The following ARHGEF28 variants were observed in gnomAD, a reference collection of about 807,000 sequenced individuals.
ARHGEF28 encodes Rho guanine nucleotide exchange factor 28.
In ARHGEF28, 152 loss-of-function variants were observed where a neutral mutation model predicts 206.6. That is an observed-to-expected ratio of 0.74 (90% CI 0.64 to 0.84). The LOEUF is 0.84. Among genes scored for constraint, ARHGEF28 ranks in the 40% least tolerant of loss-of-function variants. ARHGEF28 has a pLI of 0.00. For synonymous variants in ARHGEF28, 763 were observed against 776.4 expected (o/e 0.98, Z 0.29); for missense variants, 2,028 against 2,073.2 (o/e 0.98, Z 0.42).
intron 4 of ARHGEF28, among the ~76,000 whole-genome samples, chr5:73,765,589 T>A (rs535490578): frequency 6.6e-6 from 1 of 152,362 alleles, no homozygotes; most frequent in Non-Finnish European, 1.5e-5. Flanking sequence ...TATTGAGATA[T>A]AATTCCATCG....
At chr5:73,882,006 T>C (rs1291442339) in intron 22 of ARHGEF28, among the ~76,000 whole-genome samples, 2 of 152,156 alleles carry the variant, frequency 1.3e-5, no homozygotes, top group Non-Finnish European at 2.9e-5. Context: ...GACATGGTCA[T>C]TAGCCAGTGT....
rs1252896263 is a variant in ARHGEF28 at position 73,703,296 on chromosome 5, G to C, written c.33+18412G>C. ...AATCTAGATTTTTTTTCAGGGGTTGGGGTTCTCTGATTCTCAATGTATTGA... is the reference window on the plus strand; with the variant it reads ...AATCTAGATTTTTTTTCAGGGGTTGCGGTTCTCTGATTCTCAATGTATTGA... On this transcript the variant is annotated intron_variant, in intron 2 of 35. Coordinates refer to ENST00000513042, the MANE Select transcript of ARHGEF28 (RefSeq NM_001177693.2). Among the ~76,000 whole-genome samples, 4 of 152,068 alleles carry C rather than the reference G, an allele frequency of 2.6e-5. No homozygotes were observed. In the East Asian group the frequency reaches 7.7e-4, roughly 29 times the overall value.
At chr5:73,897,311 C>T (rs1762014212) in intron 29 of ARHGEF28, among the ~76,000 whole-genome samples, 2 of 152,184 alleles carry the variant, frequency 1.3e-5, no homozygotes, top group Non-Finnish European at 2.9e-5. Context: ...GTGTATGTCT[C>T]TTTCCTCCTC....
intron 1 of ARHGEF28, among the ~76,000 whole-genome samples, chr5:73,646,333 TG>T (rs1744421564): frequency 6.6e-6 from 1 of 152,252 alleles, no homozygotes; most frequent in South Asian, 2.1e-4. Flanking sequence ...GGTGCCAGCA[TG>T]ATCCATCTGA....
At chr5:73,919,400 T>TGATA (rs758353712) in intron 35 of ARHGEF28, among the ~76,000 whole-genome samples, 72 of 152,366 alleles carry the variant, frequency 4.7e-4, no homozygotes, top group Non-Finnish European at 2.4e-4. Context: ...GATGAAGCTC[T>TGATA]GATAGCACAG....
intron 2 of ARHGEF28, among the ~76,000 whole-genome samples, chr5:73,737,935 A>G (rs1183875151): frequency 6.6e-6 from 1 of 152,024 alleles, no homozygotes; most frequent in Non-Finnish European, 1.5e-5. Context: ...CAAGTTTTCC[A>G]TGCTATGACT....
intron 6 of ARHGEF28, 179 bp from the exon 7 acceptor site, chr5:73,780,497 G>A: frequency 8.4e-6 from 5 of 593,604 alleles, no homozygotes; most frequent in South Asian, 4.3e-5. Context: ...TCCTGACTTT[G>A]CTCGCCCTCC....
At chr5:73,904,649 G>A in intron 33 of ARHGEF28, 1 of 501,158 alleles carries the variant, frequency 2.0e-6, no homozygotes, top group South Asian at 3.6e-5. Context: ...AAAAAATATT[G>A]ATGAATATGA....
Position 73,776,550 on chromosome 5 carries a change from G to C in ARHGEF28, c.694G>C (p.Val232Leu). 2 of 1,613,306 alleles carry C rather than the reference G, an allele frequency of 1.2e-6. No individual in the cohort carries two copies. The highest frequency in any genetic ancestry group is 8.5e-7 in the Non-Finnish European group (1 of 1,179,430). ...CAGATGGTCCCCAAGCTTCTCCCGA[G>C]TGCAGCTCAGTGAAGAAGCCTCCTT... Reference protein sequence around the residue: ...QGRWSPSFSRVQLSEEASLHY... With the variant: ...QGRWSPSFSRLQLSEEASLHY... The change falls in exon 6 of 36, where the codon GTG (valine) becomes CTG (leucine). Residue 232 changes from valine (V) to leucine (L), a missense_variant. Physicochemically the swap from Val to Leu is conservative, Grantham distance 32. Coordinates refer to ENST00000513042, the MANE Select transcript of ARHGEF28 (RefSeq NM_001177693.2).
At chr5:73,825,085 T>C (rs1025548840) in intron 9 of ARHGEF28, among the ~76,000 whole-genome samples, 1 of 152,190 alleles carries the variant, frequency 6.6e-6, no homozygotes, top group African/African-American at 2.4e-5. Context: ...TTCTAGGTAC[T>C]GGGGAGATGG....
chr5:73,659,652 G>A (rs1266448333), intron 1 of ARHGEF28, among the ~76,000 whole-genome samples: 1 of 152,100 alleles, frequency 6.6e-6, no homozygotes, highest in Non-Finnish European at 1.5e-5. Context: ...ATTAAGTAAT[G>A]ACCTTATACA....
At chr5:73,704,728 A>C (rs886463130) in intron 2 of ARHGEF28, among the ~76,000 whole-genome samples, 2 of 152,174 alleles carry the variant, frequency 1.3e-5, no homozygotes, top group African/African-American at 2.4e-5. Context: ...CCCGCCCATT[A>C]CTATTATTTT....
At chr5:73,772,481 C>T (rs144347448) in intron 4 of ARHGEF28, among the ~76,000 whole-genome samples, 4,817 of 152,100 alleles carry the variant, frequency 0.032, 250 homozygotes, top group African/African-American at 0.11. Flanking sequence ...TGGGCTCAAG[C>T]GATCCTCCCA....
At chr5:73,697,976 G>A (rs73762160) in intron 2 of ARHGEF28, among the ~76,000 whole-genome samples, 4,444 of 152,304 alleles carry the variant, frequency 0.029, 230 homozygotes, top group African/African-American at 0.1. Context: ...GGCAGGGGCA[G>A]ATGCAGGTTT....
intron 2 of ARHGEF28, among the ~76,000 whole-genome samples, chr5:73,708,393 C>T (rs571599060): frequency 6.6e-6 from 1 of 152,182 alleles, no homozygotes. Flanking sequence ...CTGTCATTCC[C>T]ATCTTTGTGT....
At chr5:73,637,525 ATATTT>A (rs1743800950) in intron 1 of ARHGEF28, among the ~76,000 whole-genome samples, 1 of 152,218 alleles carries the variant, frequency 6.6e-6, no homozygotes, top group African/African-American at 2.4e-5. Flanking sequence ...CAAGATAAAG[ATATTT>A]TATTATATTG....
chr5:73,786,247 C>T (rs1754149782), intron 7 of ARHGEF28: 1 of 152,176 alleles, frequency 6.6e-6, no homozygotes, highest in African/African-American at 2.4e-5. Context: ...AGGGGCATTT[C>T]TGGGAGTCAG....
At chr5:73,686,641 C>T (rs562682834) in intron 2 of ARHGEF28, among the ~76,000 whole-genome samples, 3 of 151,688 alleles carry the variant, frequency 2.0e-5, no homozygotes, top group South Asian at 4.2e-4. Context: ...GCCTCAGCCT[C>T]CTGAGTAGCT....
At chr5:73,830,845 A>T (rs1757253413) in intron 9 of ARHGEF28, among the ~76,000 whole-genome samples, 1 of 152,028 alleles carries the variant, frequency 6.6e-6, no homozygotes, top group Non-Finnish European at 1.5e-5. Context: ...CCATGGGCTT[A>T]TCAGGTTTTA....
Sources: allele counts gnomAD v4.1 joint callset (sites outside exome capture counted in the v4.1 genomes callset), GRCh38; gene constraint gnomAD v4.1.1; transcripts MANE v1.5; gene names NCBI Gene and HGNC (gene_info 2026-07-23, HGNC 2026-07-21).